The following ANK2 variants were observed in gnomAD, a reference collection of about 807,000 sequenced individuals.
ANK2 encodes the protein ankyrin 2.
Under a neutral mutation model 360.5 loss-of-function variants are expected in ANK2, and 83 were observed. The ratio of observed to expected loss-of-function variants is 0.23; its 90% confidence interval spans 0.19 to 0.28. The LOEUF is 0.28. ANK2 is among the 10% of genes least tolerant of loss of function. ANK2 has a pLI of 1.00. For synonymous variants in ANK2, 1,740 were observed against 1,759.5 expected (o/e 0.99, Z 0.28); for missense variants, 4,201 against 4,795.7 (o/e 0.88, Z 3.66).
chr4:112,712,515 C>A, the ANK2 span, among the ~76,000 whole-genome samples: 2 of 149,776 alleles, frequency 1.3e-5, no homozygotes, highest in South Asian at 2.1e-4. Context: ...TCACGCCATT[C>A]CCCTGCCTCA....
At chr4:113,003,232 T>G (rs995333147) in intron 2 of ANK2, among the ~76,000 whole-genome samples, 18 of 152,184 alleles carry the variant, frequency 1.2e-4, no homozygotes, top group Non-Finnish European at 1.0e-4. Context: ...TATGAAACAA[T>G]TTTTTATATA....
At chr4:113,117,895 T>A (rs1285786708) in intron 1 of ANK2, among the ~76,000 whole-genome samples, 1 of 152,184 alleles carries the variant, frequency 6.6e-6, no homozygotes, top group Non-Finnish European at 1.5e-5. Context: ...GTGCTCTCTT[T>A]TTCCCTCCTG....
intron 19 of ANK2, 61 bp from the exon 20 acceptor site, chr4:113,288,327 A>T: frequency 7.3e-7 from 1 of 1,378,266 alleles, no homozygotes; most frequent in Non-Finnish European, 1.0e-6. Context: ...CTGGGGTATT[A>T]ACCACTAGAG....
chr4:112,927,571 A>G (rs1301036395), intron 2 of ANK2, among the ~76,000 whole-genome samples: 1 of 152,244 alleles, frequency 6.6e-6, no homozygotes, highest in Non-Finnish European at 1.5e-5. Flanking sequence ...TGATATCACA[A>G]CACTAAAAAA....
chr4:113,150,612 A>G (rs1398304868), intron 1 of ANK2, among the ~76,000 whole-genome samples: 1 of 152,174 alleles, frequency 6.6e-6, no homozygotes, highest in Admixed American at 6.5e-5. Context: ...AGGACTTTGA[A>G]TATTGTGTTC....
intron 2 of ANK2, among the ~76,000 whole-genome samples, chr4:113,189,813 C>T (rs2098626218): frequency 1.3e-5 from 2 of 152,148 alleles, no homozygotes; most frequent in African/African-American, 4.8e-5. Context: ...TTTCATGGTA[C>T]ATACTCCTTC....
the ANK2 span, among the ~76,000 whole-genome samples, chr4:112,792,033 C>CTTTTTTTTTTTTTTTTTT: frequency 1.5e-5 from 1 of 65,968 alleles, no homozygotes; most frequent in Non-Finnish European, 2.5e-5. Flanking sequence ...CACATCCTTT[C>CTTTTTTTTTTTTTTTTTT]TTTTTTTTTT....
intron 9 of ANK2, among the ~76,000 whole-genome samples, chr4:113,244,182 A>G (rs1306823590): frequency 9.2e-5 from 14 of 152,230 alleles, no homozygotes; most frequent in Admixed American, 9.2e-4. Context: ...TAAAAAGAAT[A>G]AAATAGGTTT....
intron 2 of ANK2, among the ~76,000 whole-genome samples, chr4:112,931,882 A>G (rs1316055169): frequency 6.6e-6 from 1 of 152,234 alleles, no homozygotes; most frequent in Non-Finnish European, 1.5e-5. Context: ...ATGAAATCAA[A>G]CAATAAAACC....
Position 113,149,874 on chromosome 4 carries a change from CAAAAAAAA to C in ANK2, c.85-24523_85-24516del, listed in dbSNP as rs34667216. ...CTTGCGTGAGAGTGAGACCCTGCCT[CAAAAAAAA>C]AAAAAAAAAAAAAAAAAAGAAAGAT... On this transcript the variant is annotated intron_variant, in intron 1 of 45. Coordinates refer to ENST00000357077, the MANE Select transcript of ANK2 (RefSeq NM_001148.6). Among the ~76,000 whole-genome samples, 45 of 31,408 alleles carry C rather than the reference CAAAAAAAA, an allele frequency of 1.4e-3. 1 individual carries two copies. In the East Asian group the frequency reaches 0.016, roughly 11 times the overall value. 20.6% of individuals were successfully genotyped at this position (31,408 alleles called of 152,430 possible).
chr4:113,297,281 G>A (rs2158198), intron 22 of ANK2, among the ~76,000 whole-genome samples: 54,390 of 151,948 alleles, frequency 0.36, 11,209 homozygotes, highest in Non-Finnish European at 0.47. Context: ...AGGATTACAG[G>A]CCTGAGCCCC....
intron 1 of ANK2, among the ~76,000 whole-genome samples, chr4:112,877,373 T>C (rs2075412201): frequency 1.3e-5 from 2 of 152,196 alleles, no homozygotes; most frequent in Admixed American, 1.3e-4. Flanking sequence ...CTTTTTGAGA[T>C]AGCATCTTAC....
chr4:113,221,831 T>C (rs2099155717), intron 4 of ANK2, among the ~76,000 whole-genome samples: 2 of 152,210 alleles, frequency 1.3e-5, no homozygotes, highest in African/African-American at 4.8e-5. Context: ...CTTGGTAATT[T>C]ATCCATGAGA....
Position 113,196,414 on chromosome 4 carries a change from G to T in ANK2, c.233G>T (p.Gly78Val). ...LHLAAKEGHV[G>V]LVQELLGRGS... is the part of the protein sequence containing the mutation. ...CTGGCTGCCAAGGAAGGCCACGTGG[G>T]GCTGGTGCAGGAGCTGCTGGGAAGA... The change falls in exon 3 of 46, where the codon GGG (glycine) becomes GTG (valine). Residue 78 changes from glycine (G) to valine (V), a missense_variant. Gly to Val is a moderately radical substitution (Grantham distance 109). Coordinates refer to ENST00000357077, the MANE Select transcript of ANK2 (RefSeq NM_001148.6). 1 of 1,613,822 alleles carries T rather than the reference G, an allele frequency of 6.2e-7. No homozygotes were observed. The highest frequency in any genetic ancestry group is 1.3e-5 in the African/African-American group (1 of 75,052).
intron 2 of ANK2, among the ~76,000 whole-genome samples, chr4:112,996,416 T>C (rs2048531538): frequency 6.6e-6 from 1 of 152,184 alleles, no homozygotes; most frequent in African/African-American, 2.4e-5. Flanking sequence ...GCTTTAATTA[T>C]ACTCTAATAA....
At chr4:113,185,004 CT>C (rs2098489456) in intron 2 of ANK2, among the ~76,000 whole-genome samples, 1 of 152,132 alleles carries the variant, frequency 6.6e-6, no homozygotes, top group Non-Finnish European at 1.5e-5. Flanking sequence ...TGGTTTCCAG[CT>C]TCGTCCATGT....
At position 113,373,748 on chromosome 4, in the gene ANK2, T is replaced by C. The variant is rs574152554; in HGVS notation, c.11859+299T>C. ...ATCCAAAAGTCAAATTTTGAAAGAA[T>C]ACAATTCTATTTGCTGGGCAAGCAG... On this transcript the variant is annotated intron_variant, in intron 45 of 45. Coordinates refer to ENST00000357077, the MANE Select transcript of ANK2 (RefSeq NM_001148.6). 3.4e-4 allele frequency: 180 copies of C among 523,118 alleles called. 1 individual carries two copies. The highest frequency in any genetic ancestry group is 3.1e-3 in the African/African-American group (161 of 52,432). 32.4% of individuals were successfully genotyped at this position (523,118 alleles called of 1,614,324 possible). A position where few individuals can be genotyped will look rare whatever the true frequency, so the allele number is the denominator to read the frequency against.
intron 13 of ANK2, among the ~76,000 whole-genome samples, chr4:113,261,147 A>G (rs1401674253): frequency 6.6e-6 from 1 of 152,082 alleles, no homozygotes; most frequent in Non-Finnish European, 1.5e-5. Flanking sequence ...AATTCACTCC[A>G]AGTGTGAGGT....
chr4:112,922,231 G>C (rs2091705948), intron 2 of ANK2, among the ~76,000 whole-genome samples: 1 of 152,126 alleles, frequency 6.6e-6, no homozygotes, highest in Non-Finnish European at 1.5e-5. Context: ...TCTGTATTGA[G>C]CTGCACTTTA....
Sources: gnomAD v4.1 joint callset for allele counts (sites outside exome capture counted in the v4.1 genomes callset) on GRCh38, gnomAD v4.1.1 for gene constraint, MANE v1.5 for transcripts, NCBI Gene and HGNC (gene_info 2026-07-23, HGNC 2026-07-21) for gene names.